Variants in TIAM1 observed in about 807,000 individuals in gnomAD.
TIAM1 encodes rho guanine nucleotide exchange factor TIAM1.
A neutral mutation model predicts 163.5 loss-of-function variants in TIAM1; 65 were observed. The observed-to-expected ratio is 0.40, with a 90% CI of 0.33 to 0.49. TIAM1 has a LOEUF of 0.49. TIAM1 is among the 20% of genes least tolerant of loss of function. The pLI is 0.77. For missense variants in TIAM1, 1,789 were observed against 2,044.7 expected (o/e 0.87, Z 2.41); for synonymous variants, 833 against 810.1 (o/e 1.03, Z -0.48).
At chr21:31,499,566 A>AG (rs2046780181) in intron 1 of TIAM1, among the ~76,000 whole-genome samples, 1 of 151,706 alleles carries the variant, frequency 6.6e-6, no homozygotes, top group Non-Finnish European at 1.5e-5. Context: ...ACTAAAAAAA[A>AG]AAACGCTGAG....
At chr21:31,361,986 A>G (rs2076415345) in intron 2 of TIAM1, among the ~76,000 whole-genome samples, 1 of 152,156 alleles carries the variant, frequency 6.6e-6, no homozygotes, top group Admixed American at 6.5e-5. Flanking sequence ...AAGTATACAT[A>G]TATGACTGAC....
At chr21:31,514,251 C>T (rs546732400) in intron 1 of TIAM1, among the ~76,000 whole-genome samples, 1 of 152,078 alleles carries the variant, frequency 6.6e-6, no homozygotes, top group South Asian at 2.1e-4. Context: ...AAGTAAAAAC[C>T]GTTTAAGACC....
intron 4 of TIAM1, among the ~76,000 whole-genome samples, chr21:31,257,122 C>T (rs1368146136): frequency 1.3e-5 from 2 of 152,232 alleles, no homozygotes; most frequent in Middle Eastern, 3.2e-3. Flanking sequence ...ACGTTCTCTA[C>T]ATTATAAATT....
At chr21:31,191,109 A>G (rs1200515343) in intron 13 of TIAM1, among the ~76,000 whole-genome samples, 1 of 152,124 alleles carries the variant, frequency 6.6e-6, no homozygotes, top group Non-Finnish European at 1.5e-5. Flanking sequence ...CAACCCGAGC[A>G]CGGAGAAGAA....
chr21:31,426,997 T>C (rs1016644910), intron 2 of TIAM1, among the ~76,000 whole-genome samples: 1 of 152,194 alleles, frequency 6.6e-6, no homozygotes, highest in Non-Finnish European at 1.5e-5. Flanking sequence ...CATATCTCAT[T>C]GCAGCCTCCA....
chr21:31,411,870 G>A (rs377336664), intron 2 of TIAM1, among the ~76,000 whole-genome samples: 3 of 147,372 alleles, frequency 2.0e-5, no homozygotes, highest in Non-Finnish European at 3.0e-5. Context: ...GTGTAAGAAC[G>A]TATGTAATGG....
At chr21:31,248,557 C>A (rs909593312) in intron 5 of TIAM1, among the ~76,000 whole-genome samples, 4 of 152,122 alleles carry the variant, frequency 2.6e-5, no homozygotes, top group East Asian at 1.9e-4. Flanking sequence ...CAAATGAAAT[C>A]TTTTTTTAAA....
chr21:31,451,168 C>T (rs1323869676), intron 2 of TIAM1, among the ~76,000 whole-genome samples: 4 of 152,218 alleles, frequency 2.6e-5, no homozygotes, highest in South Asian at 2.1e-4. Flanking sequence ...TATGCGGCTC[C>T]GAGGCCAGCA....
At chr21:31,199,258 A>G (rs1384580337) in intron 12 of TIAM1, among the ~76,000 whole-genome samples, 2 of 152,030 alleles carry the variant, frequency 1.3e-5, no homozygotes, top group Non-Finnish European at 2.9e-5. Flanking sequence ...ACAGCCTTCT[A>G]TGGGCCCTGG....
chr21:31,220,866 T>G (rs954008234), intron 8 of TIAM1, among the ~76,000 whole-genome samples: 1 of 152,186 alleles, frequency 6.6e-6, no homozygotes, highest in Non-Finnish European at 1.5e-5. Flanking sequence ...TGCTCATCTG[T>G]GCAAACAAGA....
chr21:31,181,753 CTTCTTTTTTTTTTTTTTTTTTTTTTT>C (rs2085029479), intron 15 of TIAM1, among the ~76,000 whole-genome samples: 2 of 39,438 alleles, frequency 5.1e-5, no homozygotes, highest in African/African-American at 1.5e-4. Flanking sequence ...TCTTCTTCTT[CTTCTTTTTTTTTTTTTTTTTTTTTTT>C]TTTTTTTTTT....
chr21:31,176,337 A>T (rs1041449632), intron 15 of TIAM1, among the ~76,000 whole-genome samples: 2 of 152,226 alleles, frequency 1.3e-5, no homozygotes, highest in Non-Finnish European at 2.9e-5. Context: ...ATCTTTTTAT[A>T]AAAACAGCCA....
At chr21:31,326,054 C>A (rs957730250) in intron 2 of TIAM1, among the ~76,000 whole-genome samples, 7 of 152,224 alleles carry the variant, frequency 4.6e-5, no homozygotes, top group Non-Finnish European at 8.8e-5. Flanking sequence ...TGCTTTTCCA[C>A]TGTCAGGCAG....
intron 1 of TIAM1, among the ~76,000 whole-genome samples, chr21:31,505,353 T>TA (rs989221935): frequency 1.6e-4 from 24 of 152,270 alleles, no homozygotes; most frequent in Middle Eastern, 3.4e-3. Context: ...GTATAAATGT[T>TA]AAAAGATATG....
chr21:31,482,865 TAAG>T (rs1261283415), intron 1 of TIAM1, among the ~76,000 whole-genome samples: 2 of 152,158 alleles, frequency 1.3e-5, no homozygotes, highest in African/African-American at 2.4e-5. Flanking sequence ...CATGAGATTA[TAAG>T]AAGAACAGAT....
intron 1 of TIAM1, among the ~76,000 whole-genome samples, chr21:31,475,582 C>T (rs958376920): frequency 3.9e-5 from 6 of 152,234 alleles, no homozygotes; most frequent in African/African-American, 1.4e-4. Flanking sequence ...AAGCTTGTCA[C>T]CCACCCAGAT....
intron 2 of TIAM1, among the ~76,000 whole-genome samples, chr21:31,372,615 G>A (rs944664454): frequency 1.3e-5 from 2 of 152,204 alleles, no homozygotes; most frequent in Non-Finnish European, 1.5e-5. Context: ...GCGAGGGTAG[G>A]GGTGGGGGCA....
intron 4 of TIAM1, among the ~76,000 whole-genome samples, chr21:31,260,108 CT>C (rs563555244): frequency 0.11 from 13,893 of 131,086 alleles, 759 homozygotes; most frequent in African/African-American, 0.16. Context: ...CTAATTTTTC[CT>C]TTTTTTTTTT....
At chr21:31,375,455 A>AGT (rs2076666760) in intron 2 of TIAM1, among the ~76,000 whole-genome samples, 1 of 151,968 alleles carries the variant, frequency 6.6e-6, no homozygotes, top group African/African-American at 2.4e-5. Context: ...AATCACTTTC[A>AGT]GTGGTAAGTA....
Sources: allele counts gnomAD v4.1 joint callset (sites outside exome capture counted in the v4.1 genomes callset), GRCh38; gene constraint gnomAD v4.1.1; transcripts MANE v1.5; gene names NCBI Gene and HGNC (gene_info 2026-07-23, HGNC 2026-07-21).